Variants in PEX14 observed in about 807,000 individuals in gnomAD.
The protein encoded by PEX14 is peroxisomal membrane protein PEX14.
Under a neutral mutation model 49.5 loss-of-function variants are expected in PEX14, and 15 were observed. The observed-to-expected ratio is 0.30, with a 90% CI of 0.20 to 0.47. The LOEUF is 0.47. Among genes scored for constraint, PEX14 ranks in the 20% least tolerant of loss-of-function variants. The pLI is 1.00. For missense variants in PEX14, 398 were observed against 494.8 expected (o/e 0.80, Z 1.86); for synonymous variants, 210 against 212.7 (o/e 0.99, Z 0.11).
chr1:10,531,452 G>A (rs1255405839), intron 2 of PEX14, among the ~76,000 whole-genome samples: 3 of 152,164 alleles, frequency 2.0e-5, no homozygotes, highest in African/African-American at 7.2e-5. Context: ...TTGGTCTAAC[G>A]CTTGTTAACA....
chr1:10,614,918 AG>A (rs2124627500), intron 4 of PEX14, among the ~76,000 whole-genome samples: 1 of 152,278 alleles, frequency 6.6e-6, no homozygotes, highest in African/African-American at 2.4e-5. Context: ...TGGCTAGAAG[AG>A]GGGAGACAGA....
chr1:10,629,636 C>T lies in PEX14; in HGVS notation c.783C>T (p.Ser261=). ...SSPAAVNHHS[S]SDISPVSNES... ...CTGCGGCCGTGAACCACCACAGCAG[C>T]AGCGACATCTCACCTGTCAGCAACG... The change falls in exon 9 of 9, where the codon AGC becomes AGT. Residue 261 remains serine (S), a synonymous_variant. Coordinates refer to ENST00000356607, the MANE Select transcript of PEX14 (RefSeq NM_004565.3). The surrounding 1 kb of genome is among the most constrained non-coding windows in gnomAD (Gnocchi z 8.5). 1 of 1,613,876 alleles carries T rather than the reference C, an allele frequency of 6.2e-7. No homozygotes were observed. Among genetic ancestry groups the T allele is most frequent in the Non-Finnish European group, 8.5e-7 (1 of 1,179,872 alleles).
chr1:10,523,840 A>G (rs964927249), intron 2 of PEX14, among the ~76,000 whole-genome samples: 2 of 151,914 alleles, frequency 1.3e-5, no homozygotes, highest in Non-Finnish European at 1.5e-5. Flanking sequence ...AAAAAAAAAA[A>G]AAAAAAATCC....
At chr1:10,517,399 A>G (rs2124447366) in intron 2 of PEX14, among the ~76,000 whole-genome samples, 1 of 152,292 alleles carries the variant, frequency 6.6e-6, no homozygotes, top group East Asian at 1.9e-4. Context: ...CCTCTGATAT[A>G]GCCCGTATGC....
chr1:10,505,625 C>G (rs895438718), intron 2 of PEX14, among the ~76,000 whole-genome samples: 1 of 151,104 alleles, frequency 6.6e-6, no homozygotes, highest in Non-Finnish European at 1.5e-5. Context: ...TGAACCTTCT[C>G]TTTAGCCTCC....
intron 2 of PEX14, among the ~76,000 whole-genome samples, chr1:10,502,231 C>A (rs1161477589): frequency 1.3e-5 from 2 of 152,162 alleles, no homozygotes; most frequent in African/African-American, 4.8e-5. Flanking sequence ...ACACTAGTGT[C>A]CGTGTATACT....
intron 3 of PEX14, among the ~76,000 whole-genome samples, chr1:10,588,054 C>G (rs776996699): frequency 3.4e-4 from 51 of 151,890 alleles, no homozygotes; most frequent in Non-Finnish European, 1.8e-4. Flanking sequence ...GAAACCCCAT[C>G]TCTACTAAAA....
Position 10,514,639 on chromosome 1 carries a change from AAG to A in PEX14, c.84+19321_84+19322del, listed in dbSNP as rs1425228478. Among the ~76,000 whole-genome samples, 4 of 152,212 alleles carry A rather than the reference AAG, an allele frequency of 2.6e-5. No homozygotes were observed. The highest frequency in any genetic ancestry group is 7.2e-5 in the African/African-American group (3 of 41,466). ...CTGTCGCTCTACTGGCTATAGGAGA[AAG>A]AGGGGTTATCTGCTGGGGAAACTGG... On this transcript the variant is annotated intron_variant, in intron 2 of 8. Coordinates refer to ENST00000356607, the MANE Select transcript of PEX14 (RefSeq NM_004565.3). The surrounding 1 kb of genome is among the most constrained non-coding windows in gnomAD (Gnocchi z 4.4).
At chr1:10,571,015 G>GTTT (rs34811019) in intron 3 of PEX14, among the ~76,000 whole-genome samples, 22 of 74,562 alleles carry the variant, frequency 3.0e-4, no homozygotes, top group East Asian at 7.2e-4. Context: ...CGCCTGGCTA[G>GTTT]TTTTTTTTTT....
intron 3 of PEX14, among the ~76,000 whole-genome samples, chr1:10,564,430 ATT>A (rs773997796): frequency 4.3e-5 from 6 of 138,038 alleles, no homozygotes; most frequent in Non-Finnish European, 3.2e-5. Flanking sequence ...TTTGCATTTG[ATT>A]TTTTTTTTTT....
intron 3 of PEX14, among the ~76,000 whole-genome samples, chr1:10,572,815 C>A (rs144032901): frequency 6.6e-6 from 1 of 152,158 alleles, no homozygotes; most frequent in African/African-American, 2.4e-5. Flanking sequence ...GGATTACAGG[C>A]GTGAGCTACC....
At chr1:10,510,802 A>G (rs1174291035) in intron 2 of PEX14, among the ~76,000 whole-genome samples, 1 of 152,146 alleles carries the variant, frequency 6.6e-6, no homozygotes, top group Non-Finnish European at 1.5e-5. Context: ...TCCTGCTAGG[A>G]ACTTAGGGTG....
chr1:10,546,559 GT>G (rs1639178138), intron 3 of PEX14, among the ~76,000 whole-genome samples: 2 of 47,942 alleles, frequency 4.2e-5, no homozygotes, highest in African/African-American at 9.4e-5. Context: ...GCGAGACTCT[GT>G]TTCAAAAAAA....
At chr1:10,586,231 G>T (rs1640482388) in intron 3 of PEX14, among the ~76,000 whole-genome samples, 2 of 152,136 alleles carry the variant, frequency 1.3e-5, no homozygotes, top group Admixed American at 1.3e-4. Context: ...TTCAGTCTCG[G>T]TCGTTGTCAG....
intron 4 of PEX14, among the ~76,000 whole-genome samples, chr1:10,606,563 C>G (rs1326526229): frequency 6.6e-6 from 1 of 152,182 alleles, no homozygotes; most frequent in Non-Finnish European, 1.5e-5. Context: ...GAACACATGG[C>G]TAGCTTCAGT....
intron 4 of PEX14, among the ~76,000 whole-genome samples, chr1:10,612,169 G>C (rs1028838856): frequency 2.0e-5 from 3 of 152,124 alleles, no homozygotes; most frequent in Non-Finnish European, 4.4e-5. Flanking sequence ...TTTTGTGTAT[G>C]GTATAAGGTG....
intron 3 of PEX14, among the ~76,000 whole-genome samples, chr1:10,538,856 C>T (rs982047695): frequency 2.6e-5 from 4 of 152,198 alleles, no homozygotes; most frequent in Non-Finnish European, 5.9e-5. Context: ...GGAGCATGGG[C>T]TCTGGGAGGG....
chr1:10,599,982 A>C (rs1640937325), intron 4 of PEX14, among the ~76,000 whole-genome samples: 1 of 152,222 alleles, frequency 6.6e-6, no homozygotes, highest in Non-Finnish European at 1.5e-5. Flanking sequence ...CTACTATAGG[A>C]ATAAAGTTTC....
intron 3 of PEX14, among the ~76,000 whole-genome samples, chr1:10,563,392 G>C (rs891224600): frequency 6.7e-6 from 1 of 150,140 alleles, no homozygotes; most frequent in Admixed American, 6.6e-5. Flanking sequence ...CTGAAGATGG[G>C]AGTTTGAGAC....
Sources: allele counts gnomAD v4.1 joint callset (sites outside exome capture counted in the v4.1 genomes callset), GRCh38; gene constraint gnomAD v4.1.1; non-coding constraint Gnocchi (gnomAD v3.1); transcripts MANE v1.5; gene names NCBI Gene and HGNC (gene_info 2026-07-23, HGNC 2026-07-21).